The following TMC1 variants were observed in gnomAD, a reference collection of about 807,000 sequenced individuals.
The protein encoded by TMC1 is transmembrane channel like 1.
In TMC1, 84 loss-of-function variants were observed where a neutral mutation model predicts 105.8. The ratio of observed to expected loss-of-function variants is 0.79; its 90% CI spans 0.67 to 0.95. The LOEUF (loss-of-function observed/expected upper bound fraction) is 0.95, where lower values mean the gene tolerates loss of function less well. Ranked by LOEUF, TMC1 falls within the 40% of genes least tolerant of loss-of-function variation. TMC1 has a pLI of 0.00. For synonymous variants in TMC1, 315 were observed against 311.5 expected, an observed-to-expected ratio of 1.01 and a Z score of -0.12; for missense variants, 817 against 914.1, an observed-to-expected ratio of 0.89 and a Z score of 1.37.
intron 7 of TMC1, among the ~76,000 whole-genome samples, chr9:72,700,156 G>A (rs1017984852): frequency 2.7e-5 from 4 of 150,914 alleles, no homozygotes; most frequent in African/African-American, 9.7e-5. Flanking sequence ...TCGGGAGGCT[G>A]AGGTAGATTG....
In TMC1 at chr9:72,820,989, G is replaced by C. The variant is rs764348919; in HGVS notation, c.1911G>C (p.Leu637=). 6.2e-7 allele frequency: 1 copy of C among 1,614,128 alleles called. No individual in the cohort carries two copies. The highest frequency in any genetic ancestry group is 8.5e-7 in the Non-Finnish European group (1 of 1,180,012). ...CTTCCAGATCAAATAACTTCTACCTGGGCATGCTACTGCTCATCCTCTTCC... is the reference window on the plus strand; with the variant it reads ...CTTCCAGATCAAATAACTTCTACCTCGGCATGCTACTGCTCATCCTCTTCC... ...FKASRSNNFY[L]GMLLLILFLS... Residue 637 remains leucine (L), a synonymous_variant, in exon 20 of 24, where the codon CTG becomes CTC. Transcript: ENST00000297784.
chr9:72,734,660 A>C (rs1564520964), intron 8 of TMC1, among the ~76,000 whole-genome samples: 1 of 152,106 alleles, frequency 6.6e-6, no homozygotes, highest in African/African-American at 2.4e-5. Context: ...CTATTGGTTA[A>C]ATTCTTTTAG....
intron 12 of TMC1, among the ~76,000 whole-genome samples, chr9:72,764,531 G>C (rs972093937): frequency 4.6e-5 from 7 of 152,226 alleles, no homozygotes; most frequent in African/African-American, 1.4e-4. Flanking sequence ...AAATTAAAGA[G>C]TTTTTCCAGT....
chr9:72,789,128 T>C lies in TMC1; in HGVS notation c.1035T>C (p.Ala345=). The change falls in exon 15 of 24, where the codon GCT becomes GCC. Residue 345 remains alanine (A), a synonymous_variant. Coordinates refer to ENST00000297784, the MANE Select transcript of TMC1 (RefSeq NM_138691.3). Reference sequence around the variant, plus strand: ...GTTTGTTTTCATGGATACAGGAAGCTATCACAGAAGAAAAAGCAGCCCAAG... The same window carrying C: ...GTTTGTTTTCATGGATACAGGAAGCCATCACAGAAGAAAAAGCAGCCCAAG... ...FNSITMNFKE[A]ITEEKAAQVE... 1 of 1,612,530 alleles carries C rather than the reference T, an allele frequency of 6.2e-7. No homozygotes were observed. Among genetic ancestry groups the C allele is most frequent in the East Asian group, 2.2e-5 (1 of 44,882 alleles).
chr9:72,732,565 CAA>C (rs57237757), intron 8 of TMC1, among the ~76,000 whole-genome samples: 44 of 87,980 alleles, frequency 5.0e-4, no homozygotes, highest in Admixed American at 9.0e-4. Context: ...GTCTCTGTCT[CAA>C]AAAAAAAAAA....
rs73647689 is a variant in TMC1, at chr9:72,657,797, A to T, written c.16+9133A>T. Among the ~76,000 whole-genome samples, 470 of 152,368 alleles carry T rather than the reference A, an allele frequency of 3.1e-3. 4 individuals carry two copies. Among genetic ancestry groups the T allele is most frequent in the African/African-American group, 0.011 (453 of 41,574 alleles). ...AGACAAAATTAAAAGAATCCAAGCC[A>T]AAATTGTCCTAGACAATGAAAAGTA... On this transcript the variant is annotated intron_variant, in intron 5 of 23. Transcript: ENST00000297784.
intron 1 of TMC1, among the ~76,000 whole-genome samples, chr9:72,525,984 T>A: frequency 8.0e-6 from 1 of 124,658 alleles, no homozygotes; most frequent in Non-Finnish European, 1.7e-5. Context: ...TGAGACTCCG[T>A]CTCAAAAAAA....
At chr9:72,626,873 T>A (rs1825356310) in intron 3 of TMC1, among the ~76,000 whole-genome samples, 1 of 152,106 alleles carries the variant, frequency 6.6e-6, no homozygotes, top group Non-Finnish European at 1.5e-5. Context: ...TGTGTATAAT[T>A]TTTTTCTACA....
chr9:72,750,945 G>C (rs1455520354), intron 10 of TMC1, among the ~76,000 whole-genome samples: 3 of 152,104 alleles, frequency 2.0e-5, no homozygotes, highest in Non-Finnish European at 2.9e-5. Context: ...CTCTTCCCCA[G>C]CTCAGCATGT....
At position 72,602,152 on chromosome 9, in the gene TMC1, T is replaced by G. The variant is rs189318992; in HGVS notation, c.-305-14216T>G. ...TCAGATTTCAGATGTTTGGATTAAA[T>G]GTGCTTAGCCTGGACCTTACTTGTT... On this transcript the variant is annotated intron_variant, in intron 2 of 23. Coordinates refer to ENST00000297784, the MANE Select transcript of TMC1 (RefSeq NM_138691.3). Among the ~76,000 whole-genome samples the G allele has an allele frequency of 2.7e-3, 409 of 152,250 alleles. 1 individual carries two copies. The highest frequency in any genetic ancestry group is 9.6e-3 in the African/African-American group (398 of 41,562).
At chr9:72,534,743 A>C (rs1241541105) in intron 1 of TMC1, among the ~76,000 whole-genome samples, 1 of 152,220 alleles carries the variant, frequency 6.6e-6, no homozygotes, top group African/African-American at 2.4e-5. Flanking sequence ...TGAAATCACA[A>C]GATTATAAAG....
At chr9:72,820,049 G>C (rs536029727) in intron 19 of TMC1, among the ~76,000 whole-genome samples, 1 of 152,214 alleles carries the variant, frequency 6.6e-6, no homozygotes, top group South Asian at 2.1e-4. Context: ...TAAAAACTCA[G>C]ATGCACAAAG....
chr9:72,565,622 T>C (rs530611092), intron 1 of TMC1, among the ~76,000 whole-genome samples: 1 of 152,226 alleles, frequency 6.6e-6, no homozygotes, highest in Admixed American at 6.5e-5. Flanking sequence ...ATTTTCCTAC[T>C]GCTATGTGAA....
chr9:72,524,177 C>G (rs974144974), intron 1 of TMC1, among the ~76,000 whole-genome samples: 1 of 151,742 alleles, frequency 6.6e-6, no homozygotes, highest in Non-Finnish European at 1.5e-5. Flanking sequence ...TCGTTTTTTT[C>G]TTCAGGTTTA....
At chr9:72,658,175 A>G (rs1435290454) in intron 5 of TMC1, among the ~76,000 whole-genome samples, 1 of 152,184 alleles carries the variant, frequency 6.6e-6, no homozygotes, top group African/African-American at 2.4e-5. Flanking sequence ...CTCATAATCT[A>G]TTTGGGCAGA....
chr9:72,736,673 C>T (rs905548131), intron 8 of TMC1, among the ~76,000 whole-genome samples: 5 of 152,022 alleles, frequency 3.3e-5, no homozygotes, highest in African/African-American at 9.7e-5. Context: ...TATATGTGTT[C>T]ATTATTCTAG....
chr9:72,742,489 T>G lies in TMC1; in HGVS notation c.499T>G (p.Cys167Gly). ...TGATTTTGAGAACTTCAAAGCTGCG[T>G]GTGTCCCATGGGAAAATAAAATCAA... ...LRDFENFKAA[C>G]VPWENKIKAI... is the part of the protein sequence containing the mutation. The change falls in exon 10 of 24, where the codon TGT becomes GGT. Residue 167 changes from cysteine (C) to glycine (G), a missense_variant. Physicochemically the swap from Cys to Gly is radical, Grantham distance 159. Transcript: ENST00000297784. 6.2e-7 allele frequency: 1 copy of G among 1,614,134 alleles called. No homozygotes were observed. The highest frequency in any genetic ancestry group is 8.5e-7 in the Non-Finnish European group (1 of 1,180,006).
chr9:72,618,594 T>G (rs17557883), intron 3 of TMC1, among the ~76,000 whole-genome samples: 40,155 of 151,956 alleles, frequency 0.26, 5,625 homozygotes, highest in African/African-American at 0.32. Context: ...ATAAATAAAG[T>G]TAAAATGAAC....
At chr9:72,606,994 T>G (rs1032446365) in intron 2 of TMC1, among the ~76,000 whole-genome samples, 33 of 87,622 alleles carry the variant, frequency 3.8e-4, no homozygotes, top group African/African-American at 5.5e-4. Context: ...TATATATATA[T>G]ATATATATAG....
Sources: gnomAD v4.1 joint callset for allele counts (sites outside exome capture counted in the v4.1 genomes callset) on GRCh38, gnomAD v4.1.1 for gene constraint, MANE v1.5 for transcripts, NCBI Gene and HGNC (gene_info 2026-07-23, HGNC 2026-07-21) for gene names.